BCKDHB: variants seen among roughly 807,000 people sequenced by gnomAD.
BCKDHB encodes the protein branched chain keto acid dehydrogenase E1 subunit beta, also known as 2-oxoisovalerate dehydrogenase subunit beta, mitochondrial.
A neutral mutation model predicts 48.5 loss-of-function variants in BCKDHB; 41 were observed. That is an observed-to-expected ratio of 0.85 (90% CI 0.66 to 1.10). The LOEUF (loss-of-function observed/expected upper bound fraction) is 1.10. Among genes scored for constraint, BCKDHB ranks in the 50% least tolerant of loss-of-function variants. BCKDHB has a pLI of 0.00. For synonymous variants in BCKDHB, 201 were observed against 174.8 expected (o/e 1.15, Z -1.18); for missense variants, 496 against 494.2 (o/e 1.00, Z -0.03).
chr6:80,179,929 T>G (rs1773334935), intron 6 of BCKDHB, among the ~76,000 whole-genome samples: 1 of 152,170 alleles, frequency 6.6e-6, no homozygotes, highest in Non-Finnish European at 1.5e-5. Context: ...GTTTGGCCCC[T>G]GTGCAGCATT....
the BCKDHB span, among the ~76,000 whole-genome samples, chr6:80,377,828 A>G: frequency 1.8e-4 from 28 of 152,328 alleles, no homozygotes; most frequent in Non-Finnish European, 3.7e-4. Flanking sequence ...GTCCTTTGTA[A>G]TAAGTGTGAC....
intron 8 of BCKDHB, among the ~76,000 whole-genome samples, chr6:80,256,737 G>A (rs575795241): frequency 6.6e-6 from 1 of 152,172 alleles, no homozygotes; most frequent in East Asian, 1.9e-4. Flanking sequence ...CTCCTTATTA[G>A]GCTAAGCTAA....
Position 80,167,699 on chromosome 6 carries a change from C to T in BCKDHB, c.365C>T (p.Thr122Ile), listed in dbSNP as rs398124575. Residue 122 changes from threonine to isoleucine, a missense_variant, in exon 4 of 10, where the codon ACC (threonine) becomes ATC (isoleucine). Transcript: ENST00000320393. ...TAAGGAAAAGATAGAGTTTTTAATA[C>T]CCCATTGTGTGAACAAGGAATTGTT... ...DKYGKDRVFNTPLCEQGIVGF... is the reference protein window; with the variant it reads ...DKYGKDRVFNIPLCEQGIVGF... The T allele has an allele frequency of 1.9e-6, 3 of 1,610,416 alleles. No homozygotes were observed. The highest frequency in any genetic ancestry group is 2.7e-5 in the African/African-American group (2 of 74,840).
intron 3 of BCKDHB, among the ~76,000 whole-genome samples, chr6:80,158,071 A>C (rs1474412344): frequency 6.6e-6 from 1 of 152,196 alleles, no homozygotes; most frequent in African/African-American, 2.4e-5. Context: ...CTATTGGACT[A>C]CTGATGAAAT....
At chr6:80,131,999 T>C (rs1033729087) in intron 3 of BCKDHB, among the ~76,000 whole-genome samples, 3 of 152,096 alleles carry the variant, frequency 2.0e-5, no homozygotes, top group Admixed American at 2.0e-4. Context: ...TTTATTTTTA[T>C]TTTATTTATT....
In BCKDHB at chr6:80,211,738, A is replaced by G. The variant is rs560392833; in HGVS notation, c.951+8526A>G. On this transcript the variant is annotated intron_variant, in intron 8 of 9. Transcript: ENST00000320393. Reference sequence around the variant, plus strand: ...GGGAACCTGCCCCCAACATTTCAACATAGATTCTTTCTATTTTCCATAAGT... The same window carrying G: ...GGGAACCTGCCCCCAACATTTCAACGTAGATTCTTTCTATTTTCCATAAGT... Among the ~76,000 whole-genome samples the G allele has an allele frequency of 2.6e-5, 4 of 152,234 alleles. No individual in the cohort carries two copies. The East Asian group carries it at 5.8e-4, about 22-fold the overall frequency.
At chr6:80,438,176 A>G in the BCKDHB span, among the ~76,000 whole-genome samples, 1 of 152,222 alleles carries the variant, frequency 6.6e-6, no homozygotes, top group Non-Finnish European at 1.5e-5. Flanking sequence ...CACACTAGGA[A>G]ACACAGTGCA....
At chr6:80,391,177 A>ATATGTGTG in the BCKDHB span, among the ~76,000 whole-genome samples, 20 of 149,110 alleles carry the variant, frequency 1.3e-4, no homozygotes, top group African/African-American at 4.7e-4. Context: ...GCATATATAT[A>ATATGTGTG]TGTGTGTGTG....
chr6:80,336,088 A>G (rs1237794600), intron 9 of BCKDHB, among the ~76,000 whole-genome samples: 1 of 152,018 alleles, frequency 6.6e-6, no homozygotes, highest in Non-Finnish European at 1.5e-5. Flanking sequence ...ATAAAGCTAT[A>G]GTTTTGAGAA....
At chr6:80,224,265 A>G (rs1435303559) in intron 8 of BCKDHB, among the ~76,000 whole-genome samples, 1 of 152,184 alleles carries the variant, frequency 6.6e-6, no homozygotes, top group East Asian at 1.9e-4. Flanking sequence ...TTATTCTTCT[A>G]TCATGTATAA....
chr6:80,437,177 T>A, the BCKDHB span, among the ~76,000 whole-genome samples: 12 of 152,182 alleles, frequency 7.9e-5, no homozygotes, highest in South Asian at 6.2e-4. Context: ...TCTTATAGAC[T>A]TCCCAGAATA....
chr6:80,216,146 A>G (rs1775161830), intron 8 of BCKDHB, among the ~76,000 whole-genome samples: 1 of 152,168 alleles, frequency 6.6e-6, no homozygotes, highest in African/African-American at 2.4e-5. Context: ...AGTTCTTCTA[A>G]TTAGACATCA....
intron 6 of BCKDHB, among the ~76,000 whole-genome samples, chr6:80,181,957 G>A (rs986366163): frequency 1.3e-5 from 2 of 152,092 alleles, no homozygotes; most frequent in African/African-American, 4.8e-5. Context: ...TCTAACTACT[G>A]TTGACTTTTT....
At chr6:80,170,008 C>T in intron 5 of BCKDHB, 1 of 1,122,766 alleles carries the variant, frequency 8.9e-7, no homozygotes, top group South Asian at 3.9e-5. Flanking sequence ...CCTGCCTTCT[C>T]TTTTCCTCCT....
At chr6:80,194,075 C>T (rs1230590504) in intron 6 of BCKDHB, among the ~76,000 whole-genome samples, 1 of 152,154 alleles carries the variant, frequency 6.6e-6, no homozygotes, top group Admixed American at 6.5e-5. Flanking sequence ...TATAGTGTCT[C>T]TGTCAGGCCT....
chr6:80,119,345 G>A (rs186528581), intron 1 of BCKDHB, among the ~76,000 whole-genome samples: 1 of 152,212 alleles, frequency 6.6e-6, no homozygotes, highest in African/African-American at 2.4e-5. Context: ...TTGAGACAGA[G>A]TCTCACTCTG....
chr6:80,194,517 C>T (rs997992207), intron 6 of BCKDHB, among the ~76,000 whole-genome samples: 2 of 152,130 alleles, frequency 1.3e-5, no homozygotes, highest in Non-Finnish European at 2.9e-5. Context: ...TTCCTTTATT[C>T]TGGGGAAGAC....
the BCKDHB span, among the ~76,000 whole-genome samples, chr6:80,398,608 C>G: frequency 1.3e-5 from 2 of 151,192 alleles, no homozygotes; most frequent in Non-Finnish European, 2.9e-5. Flanking sequence ...AGCCTACAAA[C>G]AAAAGACAGC....
intron 6 of BCKDHB, among the ~76,000 whole-genome samples, chr6:80,193,223 T>G (rs112582023): frequency 6.6e-6 from 1 of 152,266 alleles, no homozygotes; most frequent in East Asian, 1.9e-4. Context: ...AAGAAAAAAA[T>G]TAGACTGCAT....
Sources: allele counts gnomAD v4.1 joint callset (sites outside exome capture counted in the v4.1 genomes callset), GRCh38; gene constraint gnomAD v4.1.1; transcripts MANE v1.5; gene names NCBI Gene and HGNC (gene_info 2026-07-23, HGNC 2026-07-21).